CCDC38: variants seen among roughly 807,000 people sequenced by gnomAD.
The protein encoded by CCDC38 is coiled-coil domain-containing protein 38.
Under a neutral mutation model 72.8 loss-of-function variants are expected in CCDC38, and 69 were observed. That is an observed-to-expected ratio of 0.95 (90% CI 0.78 to 1.16). The LOEUF (loss-of-function observed/expected upper bound fraction) is 1.16, where lower values mean the gene tolerates loss of function less well. Among genes scored for constraint, CCDC38 ranks in the 50% most tolerant of loss-of-function variants. The pLI, the probability that CCDC38 is intolerant of heterozygous loss-of-function variation, is 0.00. For missense variants in CCDC38, 626 were observed against 638.9 expected (o/e 0.98, Z 0.22); for synonymous variants, 201 against 213.2 (o/e 0.94, Z 0.50).
At chr12:95,929,546 G>GGCCATC (rs1242802181) in intron 2 of CCDC38, among the ~76,000 whole-genome samples, 1 of 152,058 alleles carries the variant, frequency 6.6e-6, no homozygotes, top group African/African-American at 2.4e-5. Context: ...GTTCCTATTC[G>GGCCATC]GCCATCTTGG....
intron 2 of CCDC38, among the ~76,000 whole-genome samples, chr12:95,927,197 C>A (rs2080281034): frequency 6.6e-6 from 1 of 151,970 alleles, no homozygotes; most frequent in Admixed American, 6.6e-5. Context: ...CTAGGTCGCT[C>A]AGGACTTGCT....
Position 95,906,468 on chromosome 12 carries a change from A to C in CCDC38, c.305-17T>G. ...TGTCGGAACCTGTGAAGAAAGTTGAAATAGACTTAAGTTTAGTTCATCATC... is the reference window on the plus strand; with the variant it reads ...TGTCGGAACCTGTGAAGAAAGTTGACATAGACTTAAGTTTAGTTCATCATC... On this transcript the variant is annotated splice_polypyrimidine_tract_variant and intron_variant, in intron 4 of 15. Transcript: ENST00000344280. The C allele has an allele frequency of 6.3e-7, 1 of 1,588,116 alleles. No individual in the cohort carries two copies. The highest frequency in any genetic ancestry group is 8.6e-7 in the Non-Finnish European group (1 of 1,157,790).
At chr12:95,880,154 C>T (rs2079683531) in intron 11 of CCDC38, among the ~76,000 whole-genome samples, 1 of 152,152 alleles carries the variant, frequency 6.6e-6, no homozygotes, top group South Asian at 2.1e-4. Flanking sequence ...TTTCTCCCCA[C>T]ATTTTAATTA....
chr12:95,869,552 T>G lies in CCDC38; in HGVS notation c.1506A>C (p.Lys502Asn). The change falls in exon 15 of 16, where the codon AAA becomes AAC. Residue 502 changes from lysine (K) to asparagine (N), a missense_variant. Transcript: ENST00000344280. ...WRQKFRDEKM[K>N]EKQRHQQERL... ...TTTCCTGTTGGTGTCTTTGTTTTTC[T>G]TTCATTTTCTCATCACGAAACCTGT... 6.2e-7 allele frequency: 1 copy of G among 1,613,462 alleles called. No homozygotes were observed. Among genetic ancestry groups the G allele is most frequent in the South Asian group, 1.1e-5 (1 of 90,990 alleles).
Position 95,911,834 on chromosome 12 carries a change from C to A in CCDC38, c.304+5295G>T, listed in dbSNP as rs141338827. On this transcript the variant is annotated intron_variant, in intron 4 of 15. Transcript: ENST00000344280. Reference sequence around the variant, plus strand: ...GTTTTTCAAAGAACTAAAAATAGAACTATCATCCAACCCAGCAATCCCATT... The same window carrying A: ...GTTTTTCAAAGAACTAAAAATAGAAATATCATCCAACCCAGCAATCCCATT... Among the ~76,000 whole-genome samples, 15 of 152,278 alleles carry A rather than the reference C, an allele frequency of 9.9e-5. No homozygotes were observed. In the East Asian group the frequency reaches 2.3e-3, roughly 23 times the overall value.
At chr12:95,910,059 C>T (rs2080074076) in intron 4 of CCDC38, among the ~76,000 whole-genome samples, 1 of 152,070 alleles carries the variant, frequency 6.6e-6, no homozygotes, top group African/African-American at 2.4e-5. Flanking sequence ...CAGGGCAATC[C>T]AGCAAGAGAA....
At chr12:95,904,987 A>G (rs1049151776) in intron 5 of CCDC38, among the ~76,000 whole-genome samples, 23 of 152,214 alleles carry the variant, frequency 1.5e-4, no homozygotes, top group African/African-American at 5.5e-4. Context: ...AGGATCCCCA[A>G]GGACACCAAA....
intron 10 of CCDC38, among the ~76,000 whole-genome samples, chr12:95,886,379 G>GA (rs1192348831): frequency 6.6e-6 from 1 of 151,916 alleles, no homozygotes; most frequent in African/African-American, 2.4e-5. Context: ...AAAAAATATG[G>GA]AAAAAAATCT....
chr12:95,920,754 T>A (rs916378275), intron 2 of CCDC38, among the ~76,000 whole-genome samples: 1 of 151,990 alleles, frequency 6.6e-6, no homozygotes, highest in African/African-American at 2.4e-5. Flanking sequence ...TTTGAATTAG[T>A]GAAAATGTTC....
intron 7 of CCDC38, among the ~76,000 whole-genome samples, chr12:95,897,210 G>A (rs2079898946): frequency 6.6e-6 from 1 of 152,098 alleles, no homozygotes; most frequent in Admixed American, 6.6e-5. Context: ...TTCTCAAAAA[G>A]GAAAAGTAAG....
intron 2 of CCDC38, chr12:95,933,187 G>GT (rs2080356264): frequency 1.3e-5 from 2 of 151,968 alleles, no homozygotes; most frequent in African/African-American, 2.4e-5. Context: ...AGAAAATATT[G>GT]ATAAATTCAG....
intron 13 of CCDC38, among the ~76,000 whole-genome samples, chr12:95,873,598 C>T (rs1006803336): frequency 2.0e-5 from 3 of 152,306 alleles, no homozygotes; most frequent in East Asian, 1.9e-4. Context: ...ATTGTGAACC[C>T]GGTGTTTGCA....
chr12:95,903,511 T>C, intron 5 of CCDC38: 1 of 697,856 alleles, frequency 1.4e-6, no homozygotes, highest in Non-Finnish European at 2.6e-6. Flanking sequence ...AGATATGTAA[T>C]GTTAGTGATA....
chr12:95,872,362 C>T lies in CCDC38; in HGVS notation c.1377G>A (p.Leu459=), dbSNP rs1365862760. ...CTACCAGGCGAGATTCTACTTTTAC[C>T]AGCTTTTGAATTGGGTTGAGGCCGT... ...EDDGLNPIQK[L]VKVESRLVEL... is the part of the protein sequence containing the mutation. The change falls in exon 14 of 16, where the codon CTG becomes CTA. Residue 459 remains leucine (L), a synonymous_variant. Coordinates refer to ENST00000344280, the MANE Select transcript of CCDC38 (RefSeq NM_182496.3). The T allele has an allele frequency of 9.9e-6, 16 of 1,614,076 alleles. No homozygotes were observed. In the South Asian group the frequency reaches 1.5e-4, roughly 16 times the overall value.
intron 4 of CCDC38, among the ~76,000 whole-genome samples, chr12:95,907,374 G>T (rs1461490325): frequency 8.3e-5 from 12 of 144,492 alleles, no homozygotes; most frequent in South Asian, 4.7e-4. Context: ...CGGGCAGAGG[G>T]GCTCCTCACT....
chr12:95,871,816 G>C (rs946131290), intron 14 of CCDC38, among the ~76,000 whole-genome samples: 5 of 152,174 alleles, frequency 3.3e-5, no homozygotes, highest in Admixed American at 2.0e-4. Context: ...GAGTCTGCTT[G>C]AAGTTTTCCC....
intron 13 of CCDC38, among the ~76,000 whole-genome samples, chr12:95,875,153 C>T (rs1471075495): frequency 6.6e-6 from 1 of 150,594 alleles, no homozygotes; most frequent in South Asian, 2.1e-4. Flanking sequence ...CAACAGAGTT[C>T]GAAAACAGGA....
intron 11 of CCDC38, among the ~76,000 whole-genome samples, chr12:95,880,926 A>G (rs1236554896): frequency 6.6e-6 from 1 of 152,192 alleles, no homozygotes; most frequent in Non-Finnish European, 1.5e-5. Flanking sequence ...CTTACAGTTG[A>G]CACTACTGTA....
intron 2 of CCDC38, among the ~76,000 whole-genome samples, chr12:95,932,444 T>A (rs1003450699): frequency 3.9e-5 from 6 of 152,176 alleles, no homozygotes; most frequent in East Asian, 1.9e-4. Flanking sequence ...TGTTTTTTCT[T>A]AAATCATATT....
Sources: gnomAD v4.1 joint callset for allele counts (sites outside exome capture counted in the v4.1 genomes callset) on GRCh38, gnomAD v4.1.1 for gene constraint, MANE v1.5 for transcripts, NCBI Gene and HGNC (gene_info 2026-07-23, HGNC 2026-07-21) for gene names.